Variants in URB1 observed in about 807,000 individuals in gnomAD.
The protein encoded by URB1 is URB1 ribosome biogenesis factor, also known as nucleolar pre-ribosomal-associated protein 1.
URB1 carries 197 observed loss-of-function variants against 242.3 expected under a neutral mutation model. The ratio of observed to expected loss-of-function variants is 0.81; its 90% CI spans 0.72 to 0.91. The LOEUF (loss-of-function observed/expected upper bound fraction) is 0.91. Ranked by LOEUF, URB1 falls within the 40% of genes least tolerant of loss-of-function variation. The pLI is 0.00. For missense variants in URB1, 2,721 were observed against 2,860.5 expected, an observed-to-expected ratio of 0.95 and a Z score of 1.11; for synonymous variants, 1,153 against 1,201.8, an observed-to-expected ratio of 0.96 and a Z score of 0.84.
chr21:32,355,416 G>T, intron 16 of URB1, 33 bp downstream of exon 16: 1 of 1,528,160 alleles, frequency 6.5e-7, no homozygotes, highest in Non-Finnish European at 8.9e-7. Context: ...TTATCTCTGA[G>T]CATGTTCCTT....
rs189666059 is a variant in URB1 at position 32,388,410 on chromosome 21, G to A, written c.143-2726C>T. On this transcript the variant is annotated intron_variant, in intron 1 of 38. Transcript: ENST00000382751. ...CAGCAGTGAAAATCCAGTCACATTC[G>A]GCCTCTGCCAGCCTCACAGGTGTTT... 2.1e-4 allele frequency among the ~76,000 whole-genome samples: 32 copies of A among 152,286 alleles called. No homozygotes were observed. The East Asian group carries it at 2.1e-3, about 10-fold the overall frequency.
In URB1 at chr21:32,314,297, G is replaced by A; in HGVS notation, c.*621C>T. 4.9e-6 allele frequency: 2 copies of A among 405,236 alleles called. No homozygotes were observed. Among genetic ancestry groups the A allele is most frequent in the Non-Finnish European group, 4.7e-6 (1 of 213,580 alleles). The allele number at this position is 405,236 out of a possible 1,614,324, so 25.1% of individuals were successfully genotyped here. A position where few individuals can be genotyped will look rare whatever the true frequency, so the allele number is the denominator to read the frequency against. On this transcript the variant is annotated 3_prime_UTR_variant, in exon 39 of 39. Coordinates refer to ENST00000382751, the MANE Select transcript of URB1 (RefSeq NM_014825.3). ...CCTCCCAGGTTCAAGCGATTCCCCTGCCTTAGCCTCCCGAGTAGCTGGAAT... is the reference window on the plus strand; with the variant it reads ...CCTCCCAGGTTCAAGCGATTCCCCTACCTTAGCCTCCCGAGTAGCTGGAAT...
At chr21:32,320,371 G>A (rs1173969531) in intron 35 of URB1, among the ~76,000 whole-genome samples, 160 bp downstream of exon 35, 1 of 152,210 alleles carries the variant, frequency 6.6e-6, no homozygotes, top group Admixed American at 6.5e-5. Context: ...TGCCAGGAAC[G>A]GGACTGCCAG....
chr21:32,382,865 T>C (rs2033541702), intron 4 of URB1, among the ~76,000 whole-genome samples: 1 of 152,234 alleles, frequency 6.6e-6, no homozygotes, highest in South Asian at 2.1e-4. Context: ...CAGGGAATTT[T>C]TGTTTCACAG....
intron 34 of URB1, 145 bp from the exon 35 acceptor site, chr21:32,320,785 T>C: frequency 1.5e-6 from 1 of 650,606 alleles, no homozygotes; most frequent in Non-Finnish European, 2.7e-6. Context: ...GTCAGAGCGG[T>C]GGCCATGTAC....
intron 4 of URB1, among the ~76,000 whole-genome samples, chr21:32,382,892 C>A (rs1274537792): frequency 1.3e-5 from 2 of 152,230 alleles, no homozygotes; most frequent in Non-Finnish European, 2.9e-5. Context: ...TGAAAACCAA[C>A]CATCCACACT....
At chr21:32,350,643 G>T (rs2033145962) in intron 20 of URB1, 61 bp downstream of exon 20, 2 of 1,523,958 alleles carry the variant, frequency 1.3e-6, no homozygotes, top group African/African-American at 2.8e-5. Flanking sequence ...CCGACTCAGA[G>T]AAGGCTTAGC....
At chr21:32,342,770 T>C (rs2033045754) in intron 24 of URB1, among the ~76,000 whole-genome samples, 1 of 152,206 alleles carries the variant, frequency 6.6e-6, no homozygotes, top group Non-Finnish European at 1.5e-5. Context: ...CATTTTTATA[T>C]ACATGTTCTC....
At chr21:32,379,280 G>A (rs1242968244) in intron 4 of URB1, among the ~76,000 whole-genome samples, 17 of 152,204 alleles carry the variant, frequency 1.1e-4, no homozygotes, top group Admixed American at 1.1e-3. Context: ...AGGAACTCAA[G>A]GCATGTGGTC....
At chr21:32,383,690 C>G (rs1232687085) in intron 3 of URB1, 136 bp from the exon 4 acceptor site, 1 of 1,019,656 alleles carries the variant, frequency 9.8e-7, no homozygotes, top group South Asian at 2.7e-5. Flanking sequence ...AAAAGACATG[C>G]TCTTTTTTTA....
intron 1 of URB1, among the ~76,000 whole-genome samples, chr21:32,387,011 G>A (rs2033590657): frequency 6.6e-6 from 1 of 152,168 alleles, no homozygotes; most frequent in Admixed American, 6.5e-5. Flanking sequence ...CCCACAGTCA[G>A]TATGCCAAGC....
rs2033653766 is a variant in URB1, at chr21:32,392,751, C to T, written c.142+18G>A. On this transcript the variant is annotated intron_variant, in intron 1 of 38. Coordinates refer to ENST00000382751, the MANE Select transcript of URB1 (RefSeq NM_014825.3). ...CCAGCCTGTGCTCCCGACCCTGCGC[C>T]TGCCGCCCCGGACTCACCTGGCCCG... 6.3e-6 allele frequency: 9 copies of T among 1,421,998 alleles called. No homozygotes were observed. Among genetic ancestry groups the T allele is most frequent in the Non-Finnish European group, 7.4e-6 (8 of 1,087,024 alleles). The allele number at this position is 1,421,998 out of a possible 1,614,324, so 88.1% of individuals were successfully genotyped here.
intron 37 of URB1, 70 bp from the exon 38 acceptor site, chr21:32,317,135 A>C: frequency 1.4e-6 from 2 of 1,449,068 alleles, no homozygotes; most frequent in Non-Finnish European, 9.1e-7. Flanking sequence ...AGATGTGGGG[A>C]GGTGTCAATG....
At chr21:32,384,661 C>T (rs1438813278) in intron 2 of URB1, among the ~76,000 whole-genome samples, 197 bp from the exon 3 acceptor site, 4 of 152,164 alleles carry the variant, frequency 2.6e-5, no homozygotes, top group Non-Finnish European at 1.5e-5. Flanking sequence ...CATGTAGCCC[C>T]ACTCCCATAG....
Position 32,385,697 on chromosome 21 carries a change from T to C in URB1, c.143-13A>G. 2 of 1,550,156 alleles carry C rather than the reference T, an allele frequency of 1.3e-6. No homozygotes were observed. Among genetic ancestry groups the C allele is most frequent in the Admixed American group, 2.0e-5 (1 of 50,712 alleles). ...AACGCTTCCAAGCCTGAAAAAAAAG[T>C]TATGTTCAAACATTAACAAGGTCAG... On this transcript the variant is annotated splice_polypyrimidine_tract_variant and intron_variant, in intron 1 of 38. Transcript: ENST00000382751.
At chr21:32,322,033 G>T in intron 33 of URB1, 89 bp from the exon 34 acceptor site, 2 of 1,460,494 alleles carry the variant, frequency 1.4e-6, no homozygotes, top group Non-Finnish European at 1.8e-6. Flanking sequence ...TTAAGTGGTG[G>T]CAAAAGTTGT....
At chr21:32,323,265 A>AT (rs1480756865) in intron 32 of URB1, among the ~76,000 whole-genome samples, 4 of 152,188 alleles carry the variant, frequency 2.6e-5, no homozygotes, top group African/African-American at 9.7e-5. Context: ...GCAGATGAAA[A>AT]TGAGATCTGA....
At chr21:32,320,784 G>C (rs931178308) in intron 34 of URB1, 144 bp from the exon 35 acceptor site, 3 of 652,392 alleles carry the variant, frequency 4.6e-6, no homozygotes, top group African/African-American at 3.7e-5. Context: ...CGTCAGAGCG[G>C]TGGCCATGTA....
intron 19 of URB1, among the ~76,000 whole-genome samples, chr21:32,351,645 C>G (rs2123585328): frequency 6.6e-6 from 1 of 152,256 alleles, no homozygotes; most frequent in East Asian, 1.9e-4. Context: ...ACCCGGCAGT[C>G]CAGTTTGAAA....
Sources: gnomAD v4.1 joint callset for allele counts (sites outside exome capture counted in the v4.1 genomes callset) on GRCh38, gnomAD v4.1.1 for gene constraint, MANE v1.5 for transcripts, NCBI Gene and HGNC (gene_info 2026-07-23, HGNC 2026-07-21) for gene names.